Variants in NXPH2 observed in about 807,000 individuals in gnomAD.
The protein encoded by NXPH2 is neurexophilin 2.
A neutral mutation model predicts 19.8 loss-of-function variants in NXPH2; 5 were observed. The ratio of observed to expected loss-of-function variants is 0.25; its 90% CI spans 0.13 to 0.53. NXPH2 has a LOEUF of 0.53. NXPH2 is among the 20% of genes least tolerant of loss of function. The pLI is 0.96. For synonymous variants in NXPH2, 154 were observed against 127.4 expected, an observed-to-expected ratio of 1.21 and a Z score of -1.41; for missense variants, 289 against 322.8, an observed-to-expected ratio of 0.90 and a Z score of 0.80.
At chr2:138,702,803 T>G (rs1680951341) in intron 1 of NXPH2, among the ~76,000 whole-genome samples, 2 of 152,068 alleles carry the variant, frequency 1.3e-5, no homozygotes, top group Non-Finnish European at 2.9e-5. Context: ...AGTGAAAGAT[T>G]TTTAAATCTT....
chr2:138,675,852 A>T (rs1680476917), intron 1 of NXPH2, among the ~76,000 whole-genome samples: 1 of 152,190 alleles, frequency 6.6e-6, no homozygotes, highest in Admixed American at 6.5e-5. Flanking sequence ...AATGTAATAA[A>T]AAGTAATAAA....
At chr2:138,691,663 A>G (rs1402658676) in intron 1 of NXPH2, among the ~76,000 whole-genome samples, 2 of 152,192 alleles carry the variant, frequency 1.3e-5, no homozygotes, top group African/African-American at 4.8e-5. Flanking sequence ...CGACAAGGTA[A>G]GAAGTGTAAT....
intron 1 of NXPH2, among the ~76,000 whole-genome samples, chr2:138,690,905 G>C (rs982518913): frequency 1.3e-5 from 2 of 152,230 alleles, no homozygotes; most frequent in African/African-American, 2.4e-5. Flanking sequence ...ATGCACCAGA[G>C]AATAGGTGGG....
intron 1 of NXPH2, among the ~76,000 whole-genome samples, chr2:138,724,006 G>A (rs1472764675): frequency 1.3e-5 from 2 of 150,276 alleles, no homozygotes; most frequent in African/African-American, 4.9e-5. Context: ...TTTGTGTCAT[G>A]GGGATTTATT....
At chr2:138,763,789 C>T (rs950903442) in intron 1 of NXPH2, among the ~76,000 whole-genome samples, 39 of 152,148 alleles carry the variant, frequency 2.6e-4, no homozygotes, top group African/African-American at 8.9e-4. Flanking sequence ...TGACACTGAA[C>T]CAGCAGACTG....
At chr2:138,701,046 A>G (rs1165875774) in intron 1 of NXPH2, among the ~76,000 whole-genome samples, 3 of 152,152 alleles carry the variant, frequency 2.0e-5, no homozygotes, top group Non-Finnish European at 4.4e-5. Context: ...TTGTAAAACT[A>G]TTCATGATAA....
chr2:138,702,666 G>T (rs1360345974), intron 1 of NXPH2, among the ~76,000 whole-genome samples: 2 of 151,972 alleles, frequency 1.3e-5, no homozygotes, highest in Non-Finnish European at 2.9e-5. Context: ...AAGCCAGAGG[G>T]ATGACTATTT....
chr2:138,701,417 G>A (rs907749536), intron 1 of NXPH2, among the ~76,000 whole-genome samples: 3 of 152,118 alleles, frequency 2.0e-5, no homozygotes, highest in East Asian at 1.9e-4. Context: ...TGGATAGGAA[G>A]GAAGAAGAAA....
intron 1 of NXPH2, among the ~76,000 whole-genome samples, chr2:138,742,345 C>G (rs972810383): frequency 6.6e-6 from 1 of 151,298 alleles, no homozygotes; most frequent in Non-Finnish European, 1.5e-5. Flanking sequence ...TAAAGTGAGG[C>G]CTTTTTAACA....
chr2:138,693,506 T>C (rs1680774107), intron 1 of NXPH2, among the ~76,000 whole-genome samples: 1 of 152,204 alleles, frequency 6.6e-6, no homozygotes, highest in Non-Finnish European at 1.5e-5. Flanking sequence ...ATTGTGTGAA[T>C]TTCTGCAGTA....
At chr2:138,771,190 TAATTAGAAAG>T (rs1682169475) in intron 1 of NXPH2, among the ~76,000 whole-genome samples, 1 of 152,114 alleles carries the variant, frequency 6.6e-6, no homozygotes, top group Non-Finnish European at 1.5e-5. Context: ...ATTTAAATAT[TAATTAGAAAG>T]ATTAAATATA....
At chr2:138,723,690 T>C (rs528796808) in intron 1 of NXPH2, among the ~76,000 whole-genome samples, 1 of 152,286 alleles carries the variant, frequency 6.6e-6, no homozygotes, top group African/African-American at 2.4e-5. Context: ...CACAGTACCA[T>C]TGCAGGTGGA....
chr2:138,770,403 T>A (rs1682159320), intron 1 of NXPH2, among the ~76,000 whole-genome samples: 1 of 152,092 alleles, frequency 6.6e-6, no homozygotes, highest in South Asian at 2.1e-4. Flanking sequence ...CTTAGTAAAG[T>A]TTATGTTAAA....
chr2:138,734,845 G>T (rs1681514560), intron 1 of NXPH2, among the ~76,000 whole-genome samples: 1 of 152,154 alleles, frequency 6.6e-6, no homozygotes. Context: ...AGAGGAGAGA[G>T]AATTCAGTGT....
intron 1 of NXPH2, among the ~76,000 whole-genome samples, chr2:138,723,423 GA>G (rs1309170731): frequency 1.3e-5 from 2 of 152,302 alleles, no homozygotes; most frequent in African/African-American, 4.8e-5. Flanking sequence ...ACCTATCCCT[GA>G]AATCTAGTTC....
chr2:138,769,042 G>A (rs1682134385), intron 1 of NXPH2, among the ~76,000 whole-genome samples: 3 of 152,188 alleles, frequency 2.0e-5, no homozygotes, highest in African/African-American at 7.2e-5. Context: ...AGAGATTTAA[G>A]TCTGGGAAAG....
At position 138,669,302 on chromosome 2, in the gene NXPH2, A is replaced by C. The variant is rs576843130; in HGVS notation, c.*1620T>G. ...TAAATAATATTTTACTCTTGTTTCT[A>C]GGTGAAAATAAAAAGATGTTTCAAA... On this transcript the variant is annotated 3_prime_UTR_variant, in exon 2 of 2. Coordinates refer to ENST00000272641, the MANE Select transcript of NXPH2 (RefSeq NM_007226.3). Among the ~76,000 whole-genome samples the C allele has an allele frequency of 7.9e-5, 12 of 152,194 alleles. No individual in the cohort carries two copies. The highest frequency in any genetic ancestry group is 1.5e-4 in the Non-Finnish European group (10 of 68,016).
At chr2:138,693,636 G>T (rs1162897342) in intron 1 of NXPH2, among the ~76,000 whole-genome samples, 2 of 151,710 alleles carry the variant, frequency 1.3e-5, no homozygotes. Flanking sequence ...AACTATAAGA[G>T]AGCTGTATTG....
At chr2:138,695,472 T>C (rs1033301269) in intron 1 of NXPH2, among the ~76,000 whole-genome samples, 1 of 152,180 alleles carries the variant, frequency 6.6e-6, no homozygotes, top group African/African-American at 2.4e-5. Flanking sequence ...TGTGAAGATA[T>C]TACTTCTGCC....
Sources: allele counts gnomAD v4.1 joint callset (sites outside exome capture counted in the v4.1 genomes callset), GRCh38; gene constraint gnomAD v4.1.1; transcripts MANE v1.5; gene names NCBI Gene and HGNC (gene_info 2026-07-23, HGNC 2026-07-21).